Variants in ST14 observed in about 807,000 individuals in gnomAD.
The protein encoded by ST14 is suppressor of tumorigenicity 14 protein.
A neutral mutation model predicts 96.5 loss-of-function variants in ST14; 40 were observed. That is an observed-to-expected ratio of 0.41 (90% CI 0.32 to 0.54). ST14 has a LOEUF of 0.54. Among genes scored for constraint, ST14 ranks in the 20% least tolerant of loss-of-function variants. ST14 has a pLI of 0.17. For synonymous variants in ST14, 506 were observed against 492.1 expected, an observed-to-expected ratio of 1.03 and a Z score of -0.37; for missense variants, 1,066 against 1,188.9, an observed-to-expected ratio of 0.90 and a Z score of 1.52.
At chr11:130,206,720 A>T (rs891787527) in intron 16 of ST14, among the ~76,000 whole-genome samples, 1 of 151,862 alleles carries the variant, frequency 6.6e-6, no homozygotes, top group African/African-American at 2.4e-5. Context: ...GGCACCGGCC[A>T]CCACACCTGG....
chr11:130,203,620 TCA>T (rs1220442789), intron 16 of ST14, among the ~76,000 whole-genome samples: 1 of 152,212 alleles, frequency 6.6e-6, no homozygotes, highest in Non-Finnish European at 1.5e-5. Context: ...TTCCCCATGC[TCA>T]GTGTGAGGGT....
chr11:130,173,797 C>T (rs1953114024), intron 1 of ST14, among the ~76,000 whole-genome samples: 1 of 152,016 alleles, frequency 6.6e-6, no homozygotes, highest in South Asian at 2.1e-4. Context: ...GCTGCTGTCC[C>T]GCTTCTCTGT....
In ST14 at chr11:130,199,010, G is replaced by A. The variant is rs765424772; in HGVS notation, c.1748G>A (p.Gly583Asp). Residue 583 changes from glycine (G) to aspartate (D), a missense_variant, in exon 15 of 19, where the codon GGC (glycine) becomes GAC (aspartate). Transcript: ENST00000278742. Reference protein sequence around the residue: ...RCLNGLCLSKGNPECDGKEDC... With the variant: ...RCLNGLCLSKDNPECDGKEDC... ...CTCAATGGGCTCTGCTTGAGCAAGG[G>A]CAACCCTGAGTGTGACGGGAAGGAG... 1 of 1,614,132 alleles carries A rather than the reference G, an allele frequency of 6.2e-7. No homozygotes were observed. Among genetic ancestry groups the A allele is most frequent in the Non-Finnish European group, 8.5e-7 (1 of 1,180,010 alleles).
chr11:130,204,594 CT>C (rs1183596256), intron 16 of ST14, among the ~76,000 whole-genome samples: 1 of 152,226 alleles, frequency 6.6e-6, no homozygotes, highest in African/African-American at 2.4e-5. Context: ...GGCAGATCAC[CT>C]GAGGTCAGGA....
At chr11:130,197,660 T>C (rs1953381515) in intron 11 of ST14, among the ~76,000 whole-genome samples, 181 bp from the exon 12 acceptor site, 1 of 152,242 alleles carries the variant, frequency 6.6e-6, no homozygotes, top group African/African-American at 2.4e-5. Flanking sequence ...CCACACTAGC[T>C]GCGGGTGCAG....
At chr11:130,168,767 G>C (rs1953063130) in intron 1 of ST14, among the ~76,000 whole-genome samples, 1 of 152,102 alleles carries the variant, frequency 6.6e-6, no homozygotes, top group African/African-American at 2.4e-5. Flanking sequence ...CCTCCCCTGG[G>C]GGTGGGGCCC....
rs1432118066 is a variant in ST14, at chr11:130,194,821, G to C, written c.1113+84G>C. On this transcript the variant is annotated intron_variant, in intron 9 of 18. Coordinates refer to ENST00000278742, the MANE Select transcript of ST14 (RefSeq NM_021978.4). ...GTGTCTCCCTGTGCAGATGTGTGTG[G>C]ATGTGTGTGCATGTGTTTGCATATG... 2.9e-6 allele frequency: 4 copies of C among 1,384,436 alleles called. No homozygotes were observed. In the Admixed American group the frequency reaches 5.1e-5, roughly 18 times the overall value. The allele number at this position is 1,384,436 out of a possible 1,614,324, so 85.8% of individuals were successfully genotyped here. A position where few individuals can be genotyped will look rare whatever the true frequency, so the allele number is the denominator to read the frequency against.
At chr11:130,190,405 C>T in intron 6 of ST14, 49 bp from the exon 7 acceptor site, 4 of 1,602,250 alleles carry the variant, frequency 2.5e-6, no homozygotes, top group Non-Finnish European at 3.4e-6. Context: ...TCCCCCAGCT[C>T]TGCCCAGCCC....
intron 1 of ST14, among the ~76,000 whole-genome samples, chr11:130,164,813 C>T (rs1445103893): frequency 6.6e-6 from 1 of 151,728 alleles, no homozygotes; most frequent in Non-Finnish European, 1.5e-5. Context: ...TCTCAGCTCA[C>T]CACAACCTCC....
At chr11:130,206,153 G>A (rs1406203315) in intron 16 of ST14, among the ~76,000 whole-genome samples, 1 of 151,962 alleles carries the variant, frequency 6.6e-6, no homozygotes, top group East Asian at 1.9e-4. Context: ...TGAAAAGTTC[G>A]GGCCAGTTAT....
At chr11:130,196,759 C>T in intron 11 of ST14, 59 bp downstream of exon 11, 1 of 1,611,664 alleles carries the variant, frequency 6.2e-7, no homozygotes, top group South Asian at 1.1e-5. Context: ...GTTCTGTCTA[C>T]CCTGCATCTC....
chr11:130,162,763 C>T (rs1351447608), intron 1 of ST14, among the ~76,000 whole-genome samples: 1 of 152,208 alleles, frequency 6.6e-6, no homozygotes, highest in Non-Finnish European at 1.5e-5. Flanking sequence ...AATTCTGACT[C>T]ATGAGTACTA....
At chr11:130,170,997 A>G (rs1201173528) in intron 1 of ST14, among the ~76,000 whole-genome samples, 1 of 152,218 alleles carries the variant, frequency 6.6e-6, no homozygotes, top group Non-Finnish European at 1.5e-5. Context: ...ATGGAACTTA[A>G]TATTCACATG....
chr11:130,205,948 G>A (rs991471351), intron 16 of ST14, among the ~76,000 whole-genome samples: 2 of 151,698 alleles, frequency 1.3e-5, no homozygotes, highest in Non-Finnish European at 2.9e-5. Flanking sequence ...CCTCTCGCCT[G>A]GGGCTCCCAA....
intron 1 of ST14, among the ~76,000 whole-genome samples, chr11:130,162,963 C>T (rs935806099): frequency 2.0e-5 from 3 of 152,150 alleles, no homozygotes; most frequent in African/African-American, 7.2e-5. Context: ...GCCTTGGTTT[C>T]TGTGGCTATA....
chr11:130,201,545 T>C (rs1953428468), intron 16 of ST14, among the ~76,000 whole-genome samples: 1 of 152,254 alleles, frequency 6.6e-6, no homozygotes, highest in South Asian at 2.1e-4. Context: ...CCCAGTTCCA[T>C]GGTCCCCAGC....
At chr11:130,200,187 C>G in intron 16 of ST14, 50 bp downstream of exon 16, 1 of 1,603,576 alleles carries the variant, frequency 6.2e-7, no homozygotes, top group South Asian at 1.1e-5. Flanking sequence ...CCCTTTGCAT[C>G]TGGGAGTAAT....
chr11:130,200,905 C>T lies in ST14; in HGVS notation c.1994+768C>T, dbSNP rs115353236. The stretch of plus-strand genomic sequence containing the variant: ...GGTGAGTCTGCACTGTGCAACTCCT[C>T]GGATTGGCCAACGTGAGCTTTGGAT... On this transcript the variant is annotated intron_variant, in intron 16 of 18. Coordinates refer to ENST00000278742, the MANE Select transcript of ST14 (RefSeq NM_021978.4). Among the ~76,000 whole-genome samples, 681 of 152,326 alleles carry T rather than the reference C, an allele frequency of 4.5e-3. 10 individuals carry two copies. The highest frequency in any genetic ancestry group is 0.016 in the African/African-American group (654 of 41,564).
intron 16 of ST14, among the ~76,000 whole-genome samples, chr11:130,201,324 C>T (rs58443973): frequency 0.034 from 5,105 of 152,358 alleles, 264 homozygotes; most frequent in African/African-American, 0.11. Context: ...AATCCAACCT[C>T]GGAAGAAGGG....
Sources: gnomAD v4.1 joint callset for allele counts (sites outside exome capture counted in the v4.1 genomes callset) on GRCh38, gnomAD v4.1.1 for gene constraint, MANE v1.5 for transcripts, NCBI Gene and HGNC (gene_info 2026-07-23, HGNC 2026-07-21) for gene names.